CLASP1: variants seen among roughly 807,000 people sequenced by gnomAD.
CLASP1 encodes CLIP-associating protein 1.
Under a neutral mutation model 192.3 loss-of-function variants are expected in CLASP1, and 38 were observed. That is an observed-to-expected ratio of 0.20 (90% CI 0.15 to 0.26). The LOEUF (loss-of-function observed/expected upper bound fraction) is 0.26. Ranked by LOEUF, CLASP1 falls within the 10% of genes least tolerant of loss-of-function variation. The pLI is 1.00. For missense variants in CLASP1, 1,433 were observed against 1,932.5 expected (o/e 0.74, Z 4.85); for synonymous variants, 691 against 712.8 (o/e 0.97, Z 0.49).
At chr2:121,404,817 A>G (rs1047691741) in intron 25 of CLASP1, among the ~76,000 whole-genome samples, 1 of 152,262 alleles carries the variant, frequency 6.6e-6, no homozygotes. Flanking sequence ...GAAGTGACAA[A>G]GCCATGCACC....
intron 2 of CLASP1, among the ~76,000 whole-genome samples, chr2:121,568,439 T>C (rs922771571): frequency 6.6e-6 from 1 of 151,798 alleles, no homozygotes; most frequent in East Asian, 1.9e-4. Context: ...AAGAAATGTG[T>C]TGTATTCTAG....
intron 1 of CLASP1, among the ~76,000 whole-genome samples, chr2:121,616,150 A>T (rs539108377): frequency 6.6e-6 from 1 of 152,298 alleles, no homozygotes; most frequent in African/African-American, 2.4e-5. Context: ...TAACCACATT[A>T]AAAAATCTCC....
At chr2:121,612,630 C>A (rs944551499) in intron 1 of CLASP1, among the ~76,000 whole-genome samples, 3 of 152,110 alleles carry the variant, frequency 2.0e-5, no homozygotes, top group Admixed American at 2.0e-4. Flanking sequence ...TCCATCCACC[C>A]ATGTCCTGCC....
chr2:121,408,472 T>C (rs1471612846), intron 24 of CLASP1, among the ~76,000 whole-genome samples: 4 of 152,186 alleles, frequency 2.6e-5, no homozygotes, highest in African/African-American at 7.2e-5. Context: ...AAATATGATA[T>C]AGCAGCAACT....
chr2:121,443,863 C>T (rs1234610426), intron 19 of CLASP1, among the ~76,000 whole-genome samples: 2 of 152,128 alleles, frequency 1.3e-5, no homozygotes, highest in Non-Finnish European at 2.9e-5. Context: ...TCCTATCTTT[C>T]TTTTATGAGT....
intron 33 of CLASP1, among the ~76,000 whole-genome samples, chr2:121,381,144 G>T (rs774161291): frequency 1.2e-4 from 18 of 152,150 alleles, no homozygotes; most frequent in Non-Finnish European, 2.5e-4. Context: ...GTACATTTTA[G>T]AAATGACTTT....
At chr2:121,370,945 A>G (rs1366560870) in intron 34 of CLASP1, among the ~76,000 whole-genome samples, 1 of 152,202 alleles carries the variant, frequency 6.6e-6, no homozygotes, top group Non-Finnish European at 1.5e-5. Flanking sequence ...AACATCATCC[A>G]CAGGAGGAAT....
intron 16 of CLASP1, 36 bp downstream of exon 16, chr2:121,450,877 A>T (rs1275627107): frequency 1.5e-6 from 2 of 1,367,712 alleles, no homozygotes; most frequent in Non-Finnish European, 2.1e-6. Context: ...ATATAGAAGA[A>T]GTTAATTTAA....
At chr2:121,410,570 C>A (rs1296696258) in intron 24 of CLASP1, among the ~76,000 whole-genome samples, 2 of 151,924 alleles carry the variant, frequency 1.3e-5, no homozygotes, top group African/African-American at 4.8e-5. Context: ...AAAAAAGAAG[C>A]CCAATGACAT....
intron 2 of CLASP1, among the ~76,000 whole-genome samples, chr2:121,550,463 T>TA (rs962235211): frequency 6.6e-5 from 10 of 151,030 alleles, no homozygotes; most frequent in Admixed American, 2.0e-4. Flanking sequence ...CGGGAGGTTT[T>TA]AAAAAAAAAT....
At chr2:121,478,195 A>C (rs115881543) in intron 8 of CLASP1, among the ~76,000 whole-genome samples, 5,646 of 152,314 alleles carry the variant, frequency 0.037, 158 homozygotes, top group East Asian at 0.14. Flanking sequence ...CATAGTTGTC[A>C]TATTAATATA....
In CLASP1 at chr2:121,360,601, GAAAAA is replaced by G. The variant is rs61023548; in HGVS notation, c.4206+2566_4206+2570del. Among the ~76,000 whole-genome samples, 13 of 103,480 alleles carry G rather than the reference GAAAAA, an allele frequency of 1.3e-4. No individual in the cohort carries two copies. In the South Asian group the frequency reaches 1.5e-3, roughly 12 times the overall value. The allele number at this position is 103,480 out of a possible 152,430, so 67.9% of individuals were successfully genotyped here. On this transcript the variant is annotated intron_variant, in intron 37 of 39. Transcript: ENST00000263710. Reference sequence around the variant, plus strand: ...AGATAAGAAGAACTTCAAGGGAAAAGAAAAAAAAAAAAAAAAGGAACGAAAAATGA... The same window carrying G: ...AGATAAGAAGAACTTCAAGGGAAAAGAAAAAAAAAAAGGAACGAAAAATGA...
intron 2 of CLASP1, among the ~76,000 whole-genome samples, chr2:121,541,541 C>A (rs1284166378): frequency 6.6e-6 from 1 of 152,190 alleles, no homozygotes; most frequent in African/African-American, 2.4e-5. Context: ...CAAAACCCCA[C>A]ATTTTTAGTC....
chr2:121,492,174 G>A (rs1260392093), intron 8 of CLASP1, among the ~76,000 whole-genome samples: 1 of 151,968 alleles, frequency 6.6e-6, no homozygotes, highest in Non-Finnish European at 1.5e-5. Flanking sequence ...TAGATCACGA[G>A]GTCAGGAGAT....
chr2:121,575,777 A>G (rs1364650327), intron 2 of CLASP1, among the ~76,000 whole-genome samples: 1 of 152,218 alleles, frequency 6.6e-6, no homozygotes, highest in Admixed American at 6.5e-5. Flanking sequence ...GGACGGATAA[A>G]TACACCTAAG....
chr2:121,527,699 T>C (rs1394103884), intron 5 of CLASP1, 100 bp downstream of exon 5: 5 of 911,414 alleles, frequency 5.5e-6, no homozygotes, highest in Non-Finnish European at 8.6e-6. Flanking sequence ...GATCTCACAC[T>C]ACACTTCTTT....
At chr2:121,471,010 T>A (rs569282766) in intron 8 of CLASP1, among the ~76,000 whole-genome samples, 6 of 152,306 alleles carry the variant, frequency 3.9e-5, no homozygotes, top group Middle Eastern at 3.4e-3. Context: ...TTTAAAATTT[T>A]AAAAAAACAC....
intron 1 of CLASP1, among the ~76,000 whole-genome samples, chr2:121,636,147 G>A (rs1414496069): frequency 6.6e-6 from 1 of 150,936 alleles, no homozygotes; most frequent in Non-Finnish European, 1.5e-5. Flanking sequence ...GACGAACCTG[G>A]TCAAGATGGA....
exon 35 of CLASP1, chr2:121,367,733 T>C (rs1192984972): frequency 1.2e-6 from 2 of 1,613,790 alleles, no homozygotes; most frequent in South Asian, 2.2e-5. Context: ...GGGTGTTGAG[T>C]AGTGAGGTCT....
Sources: gnomAD v4.1 joint callset for allele counts (sites outside exome capture counted in the v4.1 genomes callset) on GRCh38, gnomAD v4.1.1 for gene constraint, MANE v1.5 for transcripts, NCBI Gene and HGNC (gene_info 2026-07-23, HGNC 2026-07-21) for gene names.